RBFOX1: variants seen among roughly 807,000 people sequenced by gnomAD.
RBFOX1 encodes RNA binding protein fox-1 homolog 1.
A neutral mutation model predicts 57.7 loss-of-function variants in RBFOX1; 8 were observed. The observed-to-expected ratio is 0.14, with a 90% CI of 0.08 to 0.25. The LOEUF is 0.25. RBFOX1 is among the 10% of genes least tolerant of loss of function. The probability of loss-of-function intolerance (pLI) is 1.00; values close to 1 mark genes in which losing one functional copy is unlikely to be tolerated. For missense variants in RBFOX1, 611 were observed against 548.5 expected (o/e 1.11, Z -1.14); for synonymous variants, 326 against 222.4 (o/e 1.47, Z -4.15).
rs142767367 is a variant in RBFOX1, at chr16:6,688,495, C to T, written c.-16+33845C>T. 1.7e-3 allele frequency among the ~76,000 whole-genome samples: 264 copies of T among 152,174 alleles called. 4 individuals carry two copies. In the East Asian group the frequency reaches 0.029, roughly 17 times the overall value. The stretch of plus-strand genomic sequence containing the variant: ...CAGCAGTGGGGATTTTCATTTTCTC[C>T]ATATAAGAAGTGAGGAGAGAGAGGT... On this transcript the variant is annotated intron_variant, in intron 3 of 15. Transcript: ENST00000550418.
intron 1 of RBFOX1, among the ~76,000 whole-genome samples, chr16:6,033,814 G>T (rs1447399230): frequency 6.6e-6 from 1 of 152,172 alleles, no homozygotes; most frequent in Non-Finnish European, 1.5e-5. Context: ...TAGGTCAAAG[G>T]AAACATGCCT....
chr16:6,983,249 C>G lies in RBFOX1; in HGVS notation c.-15-68808C>G, dbSNP rs993942962. 4.6e-5 allele frequency among the ~76,000 whole-genome samples: 7 copies of G among 152,094 alleles called. 1 individual carries two copies. The highest frequency in any genetic ancestry group is 1.7e-4 in the African/African-American group (7 of 41,418). On this transcript the variant is annotated intron_variant, in intron 3 of 15. Coordinates refer to ENST00000550418, the MANE Select transcript of RBFOX1 (RefSeq NM_018723.4). Reference sequence around the variant, plus strand: ...TATCCTCTTGGTGATGGCAGAGCTACTTGGAATCACTAGTAACTGCATTAG... The same window carrying G: ...TATCCTCTTGGTGATGGCAGAGCTAGTTGGAATCACTAGTAACTGCATTAG...
intron 3 of RBFOX1, among the ~76,000 whole-genome samples, chr16:6,707,750 C>G (rs970544390): frequency 3.9e-5 from 6 of 152,136 alleles, no homozygotes; most frequent in African/African-American, 1.4e-4. Context: ...GATTCTGCAA[C>G]TTTAGTAGCC....
At chr16:6,804,466 C>T (rs1348788072) in intron 3 of RBFOX1, among the ~76,000 whole-genome samples, 4 of 152,160 alleles carry the variant, frequency 2.6e-5, no homozygotes, top group Non-Finnish European at 5.9e-5. Flanking sequence ...GGTACACGCC[C>T]TCCAATGGAA....
chr16:6,637,101 A>ATAATATAATATATAAATT (rs1328206168), intron 2 of RBFOX1, among the ~76,000 whole-genome samples: 482 of 40,078 alleles, frequency 0.012, 82 homozygotes, highest in African/African-American at 0.013. Context: ...TATTAAATAT[A>ATAATATAATATATAAATT]TATATTATAT....
In RBFOX1 at chr16:6,172,584, G is replaced by A. The variant is rs142846566; in HGVS notation, c.-126-144411G>A. 7.2e-5 allele frequency among the ~76,000 whole-genome samples: 11 copies of A among 152,226 alleles called. No homozygotes were observed. The East Asian group carries it at 2.1e-3, about 29-fold the overall frequency. ...CACAGTCTAGAATAATGGATGTGAT[G>A]CAGCCTCAGTGGTGGACTTCCTGAG... On this transcript the variant is annotated intron_variant, in intron 1 of 15. Transcript: ENST00000550418.
At chr16:6,380,718 C>T (rs116346751) in intron 2 of RBFOX1, among the ~76,000 whole-genome samples, 4,883 of 152,060 alleles carry the variant, frequency 0.032, 293 homozygotes, top group African/African-American at 0.11. Flanking sequence ...TTCTGTAAAA[C>T]AGGTGTTAAG....
chr16:7,444,210 C>T (rs187793962), intron 4 of RBFOX1, among the ~76,000 whole-genome samples: 5 of 152,344 alleles, frequency 3.3e-5, no homozygotes, highest in Admixed American at 6.5e-5. Context: ...ATGTAAATAT[C>T]TTCTGGAGCT....
rs370534930 is a variant in RBFOX1 at position 5,347,869 on chromosome 16, A to G, written c.219+107764A>G. Among the ~76,000 whole-genome samples, 8 of 137,162 alleles carry G rather than the reference A, an allele frequency of 5.8e-5. No homozygotes were observed. In the East Asian group the frequency reaches 6.8e-4, roughly 12 times the overall value. The allele number at this position is 137,162 out of a possible 152,430, so 90.0% of individuals were successfully genotyped here. A position where few individuals can be genotyped will look rare whatever the true frequency, so the allele number is the denominator to read the frequency against. ...GCCCATCCACCCACTCTTTCACTCA[A>G]TAATGCACTCACCCACCCATTCATC... On this transcript the variant is annotated intron_variant, in intron 1 of 2. Coordinates refer to the RBFOX1 transcript ENST00000585867.
chr16:6,676,128 ACACACACACACGCG>A (rs1305633255), intron 3 of RBFOX1, among the ~76,000 whole-genome samples: 6 of 23,508 alleles, frequency 2.6e-4, no homozygotes, highest in African/African-American at 9.6e-4. Context: ...TGCCTAGGGG[ACACACACACACGCG>A]CACACACACA....
chr16:7,224,849 C>G (rs528190523), intron 4 of RBFOX1, among the ~76,000 whole-genome samples: 1 of 152,224 alleles, frequency 6.6e-6, no homozygotes, highest in South Asian at 2.1e-4. Flanking sequence ...CCAGACACAC[C>G]TACTGGATCA....
intron 4 of RBFOX1, among the ~76,000 whole-genome samples, chr16:7,405,186 C>G (rs1047828138): frequency 2.0e-5 from 3 of 152,190 alleles, no homozygotes; most frequent in Non-Finnish European, 4.4e-5. Context: ...CAAGAAAGCT[C>G]TTGACGATAC....
At chr16:6,910,364 C>G (rs184920533) in intron 3 of RBFOX1, among the ~76,000 whole-genome samples, 46 of 152,304 alleles carry the variant, frequency 3.0e-4, no homozygotes, top group Admixed American at 2.6e-3. Flanking sequence ...ACCCATCTTC[C>G]TATTTCCCTT....
chr16:5,316,779 G>C (rs1333631351), intron 1 of RBFOX1, among the ~76,000 whole-genome samples: 2 of 152,170 alleles, frequency 1.3e-5, no homozygotes, highest in African/African-American at 4.8e-5. Context: ...AGGTGGTTTG[G>C]CATTCACTTA....
chr16:7,281,950 C>G (rs1467507553), intron 4 of RBFOX1, among the ~76,000 whole-genome samples: 4 of 152,192 alleles, frequency 2.6e-5, no homozygotes, highest in Non-Finnish European at 5.9e-5. Context: ...ACTGCAACCT[C>G]TACCTCCTGG....
chr16:6,768,785 A>G (rs1047357097), intron 3 of RBFOX1, among the ~76,000 whole-genome samples: 5 of 150,132 alleles, frequency 3.3e-5, no homozygotes, highest in East Asian at 2.0e-4. Context: ...TTGGAGTGCA[A>G]TGGGGCGAAC....
intron 4 of RBFOX1, among the ~76,000 whole-genome samples, chr16:7,274,165 G>C (rs536118115): frequency 6.6e-6 from 1 of 152,132 alleles, no homozygotes. Flanking sequence ...TTCTCTCTGC[G>C]TTCTTTCAAT....
intron 4 of RBFOX1, among the ~76,000 whole-genome samples, chr16:7,310,603 C>T (rs185849824): frequency 3.0e-4 from 46 of 152,316 alleles, no homozygotes; most frequent in Non-Finnish European, 7.3e-5. Context: ...TCAGGCACCA[C>T]TTCCTAAGTC....
At chr16:5,476,582 C>G (rs1384713668) in intron 2 of RBFOX1, among the ~76,000 whole-genome samples, 1 of 152,144 alleles carries the variant, frequency 6.6e-6, no homozygotes, top group Admixed American at 6.5e-5. Context: ...TCCATCTTAC[C>G]GGGTCATTGT....
Sources: allele counts gnomAD v4.1 joint callset (sites outside exome capture counted in the v4.1 genomes callset), GRCh38; gene constraint gnomAD v4.1.1; transcripts MANE v1.5; gene names NCBI Gene and HGNC (gene_info 2026-07-23, HGNC 2026-07-21).